CELSR1: variants seen among roughly 807,000 people sequenced by gnomAD.
CELSR1 encodes the protein cadherin EGF LAG seven-pass G-type receptor 1.
CELSR1 carries 110 observed loss-of-function variants against 249.1 expected under a neutral mutation model. That is an observed-to-expected ratio of 0.44 (90% CI 0.38 to 0.52). The LOEUF is 0.52. Among genes scored for constraint, CELSR1 ranks in the 20% least tolerant of loss-of-function variants. The probability of loss-of-function intolerance (pLI) is 0.00; values close to 1 mark genes in which losing one functional copy is unlikely to be tolerated. For missense variants in CELSR1, 4,109 were observed against 4,296.4 expected (o/e 0.96, Z 1.22); for synonymous variants, 2,113 against 1,900.0 (o/e 1.11, Z -2.92).
At position 46,536,467 on chromosome 22, in the gene CELSR1, C is replaced by T. The variant is rs775626151; in HGVS notation, c.704G>A (p.Arg235Gln). The change falls in exon 1 of 35, where the codon CGG becomes CAG. Residue 235 changes from arginine to glutamine, a missense_variant. Arg to Gln is a conservative substitution (Grantham distance 43). Coordinates refer to ENST00000674500, the MANE Select transcript of CELSR1 (RefSeq NM_001378328.1). Reference protein sequence around the residue: ...ARAGPARRARRGTSGRGSLKF... With the variant: ...ARAGPARRARQGTSGRGSLKF... ...CAGGCTCCCTCTGCCGCTCGTGCCC[C>T]GCCGGGCCCGTCGCGCCGGCCCCGC... 4 of 1,606,554 alleles carry T rather than the reference C, an allele frequency of 2.5e-6. No individual in the cohort carries two copies. The highest frequency in any genetic ancestry group is 1.3e-5 in the African/African-American group (1 of 74,536).
Position 46,363,911 on chromosome 22 carries a change from G to A in CELSR1, c.9035+85C>T. On this transcript the variant is annotated intron_variant, in intron 34 of 34. Coordinates refer to ENST00000674500, the MANE Select transcript of CELSR1 (RefSeq NM_001378328.1). The surrounding 1 kb of genome is among the most constrained non-coding windows in gnomAD (Gnocchi z 4.3). ...GGGCTCCAGGTGAGGTGGGTGTCAG[G>A]TCCCTGACCACTGCCCCCTCTCTCT... 6.9e-7 allele frequency: 1 copy of A among 1,439,242 alleles called. No homozygotes were observed. The highest frequency in any genetic ancestry group is 2.5e-5 in the East Asian group (1 of 39,612). 89.2% of individuals were successfully genotyped at this position (1,439,242 alleles called of 1,614,324 possible).
Position 46,464,212 on chromosome 22 carries a change from G to A in CELSR1, c.3678C>T (p.Leu1226=), listed in dbSNP as rs752454503. The change falls in exon 2 of 35, where the codon CTC becomes CTT. Residue 1226 remains leucine (L), a synonymous_variant. Coordinates refer to ENST00000674500, the MANE Select transcript of CELSR1 (RefSeq NM_001378328.1). The surrounding 1 kb of genome is among the most constrained non-coding windows in gnomAD (Gnocchi z 8.5). ...QEKFLSPLLA[L]FVEGVAAVLS... ...GCACGGCGGCCACCCCCTCCACGAA[G>A]AGGGCCAGCAGCGGGGACAGGAACT... The A allele has an allele frequency of 3.1e-6, 5 of 1,613,772 alleles. No individual in the cohort carries two copies. The Admixed American group carries it at 8.3e-5, about 27-fold the overall frequency.
At chr22:46,515,134 G>A (rs1237894477) in intron 1 of CELSR1, among the ~76,000 whole-genome samples, 2 of 151,846 alleles carry the variant, frequency 1.3e-5, no homozygotes, top group South Asian at 2.1e-4. Flanking sequence ...AACCCCCCCC[G>A]GGGACACTCA....
chr22:46,536,696 G>T lies in CELSR1; in HGVS notation c.475C>A (p.Pro159Thr). Residue 159 changes from proline (P) to threonine (T), a missense_variant, in exon 1 of 35, where the codon CCG (proline) becomes ACG (threonine). Physicochemically the swap from Pro to Thr is conservative, Grantham distance 38 (BLOSUM62 -1). Around this residue, in one of 7 missense-constraint regions of CELSR1, gnomAD observed 673 missense variants for 636.8 expected, o/e 1.06. Transcript: ENST00000674500. ...APTTLPACRC[P>T]PRPRPRCPGR... is the part of the protein sequence containing the mutation. ...GGACAGCGGGGCCTGGGGCGCGGCG[G>T]GCAGCGGCAGGCGGGTAAGGTGGTC... 8.5e-7 allele frequency: 1 copy of T among 1,172,378 alleles called. No individual in the cohort carries two copies. The highest frequency in any genetic ancestry group is 1.1e-6 in the Non-Finnish European group (1 of 951,406). The allele number at this position is 1,172,378 out of a possible 1,614,324, so 72.6% of individuals were successfully genotyped here. A position where few individuals can be genotyped will look rare whatever the true frequency, so the allele number is the denominator to read the frequency against.
rs764771440 is a variant in CELSR1 at position 46,410,377 on chromosome 22, C to T, written c.4933+21G>A. The T allele has an allele frequency of 6.0e-5, 96 of 1,602,560 alleles. No homozygotes were observed. Among genetic ancestry groups the T allele is most frequent in the Non-Finnish European group, 7.2e-5 (84 of 1,172,112 alleles). ...CCAGATGCCACTGCGGCAGCTCCGA[C>T]GCCCTGACGGCCACCCGTACCTTCC... On this transcript the variant is annotated intron_variant, in intron 7 of 34. Transcript: ENST00000674500. The surrounding 1 kb of genome is among the most constrained non-coding windows in gnomAD (Gnocchi z 6.8).
rs2078789815 is a variant in CELSR1, at chr22:46,366,900, G to GC, written c.8205+92dup. 4.7e-6 allele frequency: 7 copies of GC among 1,477,690 alleles called. No individual in the cohort carries two copies. The East Asian group carries it at 1.7e-4, about 36-fold the overall frequency. 91.5% of individuals were successfully genotyped at this position (1,477,690 alleles called of 1,614,324 possible). A position where few individuals can be genotyped will look rare whatever the true frequency, so the allele number is the denominator to read the frequency against. Reference sequence around the variant, plus strand: ...CATCCCCACCGTGAGGGGCATACGGGCCGCAGGACTGGGGCTGAGGCTCGA... The same window carrying GC: ...CATCCCCACCGTGAGGGGCATACGGGCCCGCAGGACTGGGGCTGAGGCTCGA... On this transcript the variant is annotated intron_variant, in intron 29 of 34. Coordinates refer to ENST00000674500, the MANE Select transcript of CELSR1 (RefSeq NM_001378328.1).
rs767506985 is a variant in CELSR1 at position 46,399,768 on chromosome 22, GTCC to G, written c.5358_5360del (p.Glu1786del). The G allele has an allele frequency of 6.2e-6, 10 of 1,614,050 alleles. No homozygotes were observed. The Middle Eastern group carries it at 5.0e-4, about 80-fold the overall frequency. On this transcript the variant is annotated inframe_deletion, in exon 10 of 35. Coordinates refer to ENST00000674500, the MANE Select transcript of CELSR1 (RefSeq NM_001378328.1). This position sits in a 1 kb window ranked among gnomAD's most constrained non-coding sequence, Gnocchi z 5.0. ...TGGTGACCAGGTGCTTCATCTCACTGTCCTCCTTAACATTCTTCAGCTCGATCA... is the reference window on the plus strand; with the variant it reads ...TGGTGACCAGGTGCTTCATCTCACTGTCCTTAACATTCTTCAGCTCGATCA...
rs938550183 is a variant in CELSR1, at chr22:46,506,400, C to A, written c.3544+27227G>T. On this transcript the variant is annotated intron_variant, in intron 1 of 34. Coordinates refer to ENST00000674500, the MANE Select transcript of CELSR1 (RefSeq NM_001378328.1). The surrounding 1 kb of genome is among the most constrained non-coding windows in gnomAD (Gnocchi z 4.1). ...CAGACTTACTGAGCCCCTCAGTTTC[C>A]CAGATCTCAGACTTGGGCTCAACCC... 6.6e-6 allele frequency among the ~76,000 whole-genome samples: 1 copy of A among 152,076 alleles called. No homozygotes were observed. Among genetic ancestry groups the A allele is most frequent in the African/African-American group, 2.4e-5 (1 of 41,424 alleles).
chr22:46,528,410 T>C (rs1321415759), intron 1 of CELSR1, among the ~76,000 whole-genome samples: 1 of 152,132 alleles, frequency 6.6e-6, no homozygotes, highest in African/African-American at 2.4e-5. Flanking sequence ...CCAATCATTC[T>C]CACCCACAAA....
chr22:46,411,624 C>A lies in CELSR1; in HGVS notation c.4747G>T (p.Gly1583Cys), dbSNP rs2079336382. The change falls in exon 6 of 35, where the codon GGC (glycine) becomes TGC (cysteine). Residue 1583 changes from glycine to cysteine, a missense_variant. Physicochemically the swap from Gly to Cys is radical, Grantham distance 159. Around this residue, in one of 7 missense-constraint regions of CELSR1, gnomAD observed 453 missense variants for 492.0 expected, o/e 0.92. Coordinates refer to ENST00000674500, the MANE Select transcript of CELSR1 (RefSeq NM_001378328.1). This position sits in a 1 kb window ranked among gnomAD's most constrained non-coding sequence, Gnocchi z 4.2. The part of the protein sequence containing the change: ...DIGNYSCAAQ[G>C]TQTGSKKSLD... Reference sequence around the variant, plus strand: ...CACTTCTTGGAGCCGGTCTGAGTGCCCTGGGCAGCGCAGCTGTAGTTCCCG... The same window carrying A: ...CACTTCTTGGAGCCGGTCTGAGTGCACTGGGCAGCGCAGCTGTAGTTCCCG... The A allele has an allele frequency of 1.2e-6, 2 of 1,614,040 alleles. No homozygotes were observed. The highest frequency in any genetic ancestry group is 1.7e-5 in the Admixed American group (1 of 60,012).
At chr22:46,443,426 CAG>C (rs1310540009) in intron 2 of CELSR1, among the ~76,000 whole-genome samples, 1 of 152,178 alleles carries the variant, frequency 6.6e-6, no homozygotes, top group East Asian at 1.9e-4. Flanking sequence ...TTAAAGCAGG[CAG>C]AGAGGAGCGA....
intron 18 of CELSR1, among the ~76,000 whole-genome samples, chr22:46,388,252 G>C (rs1429256096): frequency 6.6e-6 from 1 of 152,086 alleles, no homozygotes; most frequent in African/African-American, 2.4e-5. Flanking sequence ...GGGAGGCTGA[G>C]GCAGGAGAAT....
Position 46,536,457 on chromosome 22 carries a change from G to T in CELSR1, c.714C>A (p.Ser238Arg), listed in dbSNP as rs1476882315. The change falls in exon 1 of 35, where the codon AGC becomes AGA. Residue 238 changes from serine to arginine, a missense_variant. By Grantham distance (110) the Ser-to-Arg change is moderately radical. Transcript: ENST00000674500. Reference sequence around the variant, plus strand: ...TCGGAAACTTCAGGCTCCCTCTGCCGCTCGTGCCCCGCCGGGCCCGTCGCG... The same window carrying T: ...TCGGAAACTTCAGGCTCCCTCTGCCTCTCGTGCCCCGCCGGGCCCGTCGCG... The part of the protein sequence containing the change: ...GPARRARRGT[S>R]GRGSLKFPMP... 1.7e-5 allele frequency: 27 copies of T among 1,609,586 alleles called. No homozygotes were observed. The highest frequency in any genetic ancestry group is 2.2e-5 in the Non-Finnish European group (26 of 1,178,592).
At chr22:46,424,890 G>C (rs1373673829) in intron 5 of CELSR1, among the ~76,000 whole-genome samples, 1 of 152,214 alleles carries the variant, frequency 6.6e-6, no homozygotes, top group Non-Finnish European at 1.5e-5. Flanking sequence ...AGAATCACTT[G>C]AACCCAGGAT....
At chr22:46,442,264 C>T (rs1048156728) in intron 2 of CELSR1, among the ~76,000 whole-genome samples, 1 of 152,270 alleles carries the variant, frequency 6.6e-6, no homozygotes, top group Non-Finnish European at 1.5e-5. Flanking sequence ...TGATGGCTCA[C>T]AGCTGAGACC....
chr22:46,472,766 T>C lies in CELSR1; in HGVS notation c.3545-8421A>G, dbSNP rs6520022. Among the ~76,000 whole-genome samples, 65,011 of 151,948 alleles carry C rather than the reference T, an allele frequency of 0.43. 14,175 individuals carry two copies. Among genetic ancestry groups the C allele is most frequent in the South Asian group, 0.54 (2,608 of 4,806 alleles). On this transcript the variant is annotated intron_variant, in intron 1 of 34. Transcript: ENST00000674500. The surrounding 1 kb of genome is among the most constrained non-coding windows in gnomAD (Gnocchi z 7.0). ...TCCTGGAGGCTCAGGGGAGGGTCTG[T>C]TCCGGGCCCCTTTCCCTGGGGGCTG...
chr22:46,365,448 C>T (rs910950133), intron 31 of CELSR1, 68 bp from the exon 32 acceptor site: 3 of 1,586,362 alleles, frequency 1.9e-6, no homozygotes, highest in East Asian at 2.3e-5. Flanking sequence ...GAGGGCCAAG[C>T]AGAGCCACTG....
chr22:46,422,766 C>CAA (rs372904848), intron 5 of CELSR1, among the ~76,000 whole-genome samples: 30 of 99,314 alleles, frequency 3.0e-4, no homozygotes, highest in African/African-American at 5.5e-4. Flanking sequence ...GACTCCATCT[C>CAA]AAAAAAAAAA....
At chr22:46,519,330 G>C (rs2080661132) in intron 1 of CELSR1, among the ~76,000 whole-genome samples, 1 of 152,248 alleles carries the variant, frequency 6.6e-6, no homozygotes, top group African/African-American at 2.4e-5. Context: ...CAAAGATCCA[G>C]CCAAATTGCT....
Sources: gnomAD v4.1 joint callset for allele counts (sites outside exome capture counted in the v4.1 genomes callset) on GRCh38, gnomAD v4.1.1 for gene constraint, gnomAD v4.1.1 regional missense constraint, Gnocchi (gnomAD v3.1) non-coding constraint, MANE v1.5 for transcripts, NCBI Gene and HGNC (gene_info 2026-07-23, HGNC 2026-07-21) for gene names.